The following ZNF354A variants were observed in gnomAD, a reference collection of about 807,000 sequenced individuals.
ZNF354A encodes the protein epididymis luminal protein 104.
A neutral mutation model predicts 53.3 loss-of-function variants in ZNF354A; 25 were observed. The observed-to-expected ratio is 0.47, with a 90% confidence interval of 0.34 to 0.66. The LOEUF is 0.66. Ranked by LOEUF, ZNF354A falls within the 30% of genes least tolerant of loss-of-function variation. The pLI, the probability that ZNF354A is intolerant of heterozygous loss-of-function variation, is 0.01. For synonymous variants in ZNF354A, 228 were observed against 249.0 expected, an observed-to-expected ratio of 0.92 and a Z score of 0.79; for missense variants, 586 against 716.8, an observed-to-expected ratio of 0.82 and a Z score of 2.08.
chr5:178,714,001 T>C (rs1406032999), intron 4 of ZNF354A, among the ~76,000 whole-genome samples: 2 of 147,384 alleles, frequency 1.4e-5, no homozygotes, highest in Non-Finnish European at 3.0e-5. Context: ...TTTTTTGACA[T>C]TTATCTTCTT....
At chr5:178,724,289 A>G (rs1765864631) in intron 4 of ZNF354A, among the ~76,000 whole-genome samples, 1 of 150,582 alleles carries the variant, frequency 6.6e-6, no homozygotes, top group African/African-American at 2.4e-5. Context: ...AAGTGGCGCA[A>G]TCTCGGCTCA....
At chr5:178,725,273 G>A (rs1163731082) in intron 4 of ZNF354A, 103 bp downstream of exon 4, 10 of 1,134,904 alleles carry the variant, frequency 8.8e-6, no homozygotes, top group Non-Finnish European at 1.2e-5. Context: ...CACTTCTTGA[G>A]GCCTGAGAAT....
chr5:178,720,541 A>G (rs1300462894), intron 4 of ZNF354A, among the ~76,000 whole-genome samples: 1 of 152,186 alleles, frequency 6.6e-6, no homozygotes, highest in Admixed American at 6.5e-5. Context: ...GAGATCTCCA[A>G]GTTGGCCATC....
At position 178,723,826 on chromosome 5, in the gene ZNF354A, T is replaced by C. The variant is rs1188181062; in HGVS notation, c.256+1550A>G. ...AGTTCAACCACTCTCAGTCCCCCAC[T>C]GCCACGATGGCCCCTCCCCGTTTCT... On this transcript the variant is annotated intron_variant, in intron 4 of 4. Transcript: ENST00000335815. 4.0e-5 allele frequency among the ~76,000 whole-genome samples: 6 copies of C among 150,774 alleles called. No individual in the cohort carries two copies. The East Asian group carries it at 9.9e-4, about 25-fold the overall frequency.
intron 4 of ZNF354A, among the ~76,000 whole-genome samples, chr5:178,722,658 T>C (rs1765832253): frequency 6.6e-6 from 1 of 152,174 alleles, no homozygotes; most frequent in South Asian, 2.1e-4. Flanking sequence ...ACTCGTGCAT[T>C]CATTATACAA....
rs1412189087 is a variant in ZNF354A, at chr5:178,711,819, C to T, written c.*241G>A. The stretch of plus-strand genomic sequence containing the variant: ...AAAAGCAAACCCATTTCACAAATGG[C>T]TAAAGTCAATGTCTTCAATTGTAAA... On this transcript the variant is annotated 3_prime_UTR_variant, in exon 5 of 5. Coordinates refer to ENST00000335815, the MANE Select transcript of ZNF354A (RefSeq NM_005649.3). 2 of 407,318 alleles carry T rather than the reference C, an allele frequency of 4.9e-6. No homozygotes were observed. Among genetic ancestry groups the T allele is most frequent in the Non-Finnish European group, 8.5e-6 (2 of 236,606 alleles). The allele number at this position is 407,318 out of a possible 1,614,324, so 25.2% of individuals were successfully genotyped here. A position where few individuals can be genotyped will look rare whatever the true frequency, so the allele number is the denominator to read the frequency against.
chr5:178,712,724 C>T lies in ZNF354A; in HGVS notation c.1154G>A (p.Ser385Asn), dbSNP rs767764899. Residue 385 changes from serine (S) to asparagine (N), a missense_variant, in exon 5 of 5, where the codon AGT becomes AAT. This residue lies in a region of ZNF354A where 573 missense variants were observed against 680.1 expected (regional missense o/e 0.84). Coordinates refer to ENST00000335815, the MANE Select transcript of ZNF354A (RefSeq NM_005649.3). ...IHTGEKPFKC[S>N]ECGRAFSQSA... ...CTGGCTGAAGGCTCTCCCACATTCACTACATTTAAAAGGCTTCTCTCCAGT... is the reference window on the plus strand; with the variant it reads ...CTGGCTGAAGGCTCTCCCACATTCATTACATTTAAAAGGCTTCTCTCCAGT... 4 of 1,613,584 alleles carry T rather than the reference C, an allele frequency of 2.5e-6. No homozygotes were observed. In the South Asian group the frequency reaches 4.4e-5, roughly 18 times the overall value.
At chr5:178,714,897 G>T (rs1490641451) in intron 4 of ZNF354A, among the ~76,000 whole-genome samples, 1 of 152,226 alleles carries the variant, frequency 6.6e-6, no homozygotes, top group Non-Finnish European at 1.5e-5. Flanking sequence ...GGAGGGCCCT[G>T]TTATTGAATT....
chr5:178,728,454 T>C (rs1197894514), intron 2 of ZNF354A, among the ~76,000 whole-genome samples: 1 of 152,018 alleles, frequency 6.6e-6, no homozygotes, highest in African/African-American at 2.4e-5. Flanking sequence ...GATGGTAACA[T>C]GCATACACAA....
At chr5:178,718,375 C>T (rs1185846708) in intron 4 of ZNF354A, among the ~76,000 whole-genome samples, 2 of 152,158 alleles carry the variant, frequency 1.3e-5, no homozygotes, top group African/African-American at 4.8e-5. Context: ...ATGGCCACTG[C>T]CCTGACCACT....
At chr5:178,724,013 C>T (rs191687424) in intron 4 of ZNF354A, among the ~76,000 whole-genome samples, 69 of 152,134 alleles carry the variant, frequency 4.5e-4, no homozygotes, top group East Asian at 2.5e-3. Flanking sequence ...CCTTGAGTCT[C>T]GGCCCTGTCA....
At chr5:178,724,999 T>C (rs897536338) in intron 4 of ZNF354A, among the ~76,000 whole-genome samples, 1 of 152,202 alleles carries the variant, frequency 6.6e-6, no homozygotes, top group Non-Finnish European at 1.5e-5. Flanking sequence ...AGTTTCCACC[T>C]CTTAGAACCG....
At chr5:178,726,960 A>G in intron 3 of ZNF354A, 39 bp downstream of exon 3, 1 of 1,579,584 alleles carries the variant, frequency 6.3e-7, no homozygotes, top group Non-Finnish European at 8.6e-7. Context: ...GAGATATCCC[A>G]ATTTTTGAAT....
chr5:178,724,619 CATT>C (rs1765871411), intron 4 of ZNF354A, among the ~76,000 whole-genome samples: 1 of 152,198 alleles, frequency 6.6e-6, no homozygotes, highest in South Asian at 2.1e-4. Flanking sequence ...CTTTGTGAAA[CATT>C]AAAATACTAC....
rs750474508 is a variant in ZNF354A at position 178,713,619 on chromosome 5, A to T, written c.259T>A (p.Ser87Thr). Residue 87 changes from serine to threonine, a missense_variant and splice_region_variant, in exon 5 of 5, where the codon TCG (serine) becomes ACG (threonine). Coordinates refer to ENST00000335815, the MANE Select transcript of ZNF354A (RefSeq NM_005649.3). ...KDGSGVSSLG[S>T]KSSHKTTKST... is the part of the protein sequence containing the mutation. ...TTTGTGGTTTTATGACTGCTCTTCGATCCTGGAGGGAAAAAAAAAATCAAA... is the reference window on the plus strand; with the variant it reads ...TTTGTGGTTTTATGACTGCTCTTCGTTCCTGGAGGGAAAAAAAAAATCAAA... 6.5e-7 allele frequency: 1 copy of T among 1,544,720 alleles called. No individual in the cohort carries two copies. The highest frequency in any genetic ancestry group is 1.2e-5 in the South Asian group (1 of 81,404).
intron 4 of ZNF354A, among the ~76,000 whole-genome samples, chr5:178,725,051 G>A (rs1055357373): frequency 1.3e-5 from 2 of 152,176 alleles, no homozygotes; most frequent in Admixed American, 1.3e-4. Context: ...AGCTTTCTAG[G>A]CTATTTCCTT....
chr5:178,713,034 T>G lies in ZNF354A; in HGVS notation c.844A>C (p.Ser282Arg). The G allele has an allele frequency of 6.2e-7, 1 of 1,614,180 alleles. No individual in the cohort carries two copies. Residue 282 changes from serine (S) to arginine (R), a missense_variant, in exon 5 of 5, where the codon AGT becomes CGT. Physicochemically the swap from Ser to Arg is moderately radical, Grantham distance 110. This residue lies in a region of ZNF354A where 573 missense variants were observed against 680.1 expected (regional missense o/e 0.84). Transcript: ENST00000335815. ...CKECGKAFTL[S>R]TSLYKHLRTH... ...CTTAGATGTTTATAAAGGGATGTAC[T>G]GAGAGTAAAGGCTTTCCCACATTCT...
At chr5:178,725,684 G>C (rs763070020) in intron 3 of ZNF354A, among the ~76,000 whole-genome samples, 8 of 152,106 alleles carry the variant, frequency 5.3e-5, no homozygotes, top group Non-Finnish European at 1.0e-4. Context: ...TTAATTATAG[G>C]TTAGGAAAAT....
Position 178,713,359 on chromosome 5 carries a change from C to T in ZNF354A, c.519G>A (p.Val173=). ...ELSQNFSPKS[V]LIRQQILPRE... ...TGGGAAGTATCTGTTGCCTAATAAG[C>T]ACTGACTTTGGGCTGAAGTTTTGGC... is the stretch of plus-strand genomic sequence containing the variant. The change falls in exon 5 of 5, where the codon GTG becomes GTA. Residue 173 remains valine (V), a synonymous_variant. Transcript: ENST00000335815. 1 of 1,614,156 alleles carries T rather than the reference C, an allele frequency of 6.2e-7. No homozygotes were observed. The highest frequency in any genetic ancestry group is 2.2e-5 in the East Asian group (1 of 44,862).
Sources: gnomAD v4.1 joint callset for allele counts (sites outside exome capture counted in the v4.1 genomes callset) on GRCh38, gnomAD v4.1.1 for gene constraint, gnomAD v4.1.1 regional missense constraint, MANE v1.5 for transcripts, NCBI Gene and HGNC (gene_info 2026-07-23, HGNC 2026-07-21) for gene names.